Variants in PRKCZ observed in about 807,000 individuals in gnomAD.
PRKCZ encodes the protein protein kinase C zeta type.
PRKCZ carries 33 observed loss-of-function variants against 79.5 expected under a neutral mutation model. The ratio of observed to expected loss-of-function variants is 0.41; its 90% CI spans 0.31 to 0.55. PRKCZ has a LOEUF of 0.55. Among genes scored for constraint, PRKCZ ranks in the 20% least tolerant of loss-of-function variants. The probability of loss-of-function intolerance (pLI) is 0.19; values close to 1 mark genes in which losing one functional copy is unlikely to be tolerated. For missense variants in PRKCZ, 578 were observed against 813.5 expected (o/e 0.71, Z 3.52); for synonymous variants, 342 against 320.9 (o/e 1.07, Z -0.70).
chr1:2,054,346 C>T (rs1338113342), intron 1 of PRKCZ, among the ~76,000 whole-genome samples: 1 of 152,100 alleles, frequency 6.6e-6, no homozygotes, highest in Non-Finnish European at 1.5e-5. Flanking sequence ...CTCTGAGTTT[C>T]AGGAAACACC....
At chr1:2,136,035 C>G (rs1290031002) in intron 5 of PRKCZ, among the ~76,000 whole-genome samples, 1 of 152,054 alleles carries the variant, frequency 6.6e-6, no homozygotes, top group African/African-American at 2.4e-5. Context: ...CTGCGGGACT[C>G]CACACAGAGC....
intron 4 of PRKCZ, among the ~76,000 whole-genome samples, chr1:2,070,943 G>C (rs1661522577): frequency 6.6e-6 from 1 of 152,270 alleles, no homozygotes; most frequent in East Asian, 1.9e-4. Context: ...TCATAGCCCT[G>C]TAGCCTAGGG....
chr1:2,102,494 C>G (rs556804894), intron 4 of PRKCZ, among the ~76,000 whole-genome samples: 21 of 151,382 alleles, frequency 1.4e-4, no homozygotes, highest in African/African-American at 1.9e-4. Flanking sequence ...CACCACGTCC[C>G]GCTAATTTTT....
chr1:2,094,788 C>G lies in PRKCZ; in HGVS notation c.334+35197C>G, dbSNP rs548348983. On this transcript the variant is annotated intron_variant, in intron 4 of 17. Transcript: ENST00000378567. The surrounding 1 kb of genome is among the most constrained non-coding windows in gnomAD (Gnocchi z 7.3). ...TTGGGCGCTGCCCGTTCTGAGGCGT[C>G]TGCTGTGGCCCTTACCGTCTGGCTT... 6.6e-6 allele frequency among the ~76,000 whole-genome samples: 1 copy of G among 152,346 alleles called. No individual in the cohort carries two copies. Among genetic ancestry groups the G allele is most frequent in the South Asian group, 2.1e-4 (1 of 4,834 alleles).
chr1:2,136,191 C>A lies in PRKCZ; in HGVS notation c.420+844C>A, dbSNP rs151298826. On this transcript the variant is annotated intron_variant, in intron 5 of 17. Coordinates refer to ENST00000378567, the MANE Select transcript of PRKCZ (RefSeq NM_002744.6). ...GGCCTCAAGTCACCTGCCCCTCCTT[C>A]TACTCCCATGGTCTGCCCTCTAGAC... Among the ~76,000 whole-genome samples, 303 of 152,334 alleles carry A rather than the reference C, an allele frequency of 2.0e-3. 1 individual carries two copies. Among genetic ancestry groups the A allele is most frequent in the Non-Finnish European group, 3.8e-3 (258 of 68,022 alleles).
At chr1:2,064,888 CATT>C (rs1660991657) in intron 4 of PRKCZ, among the ~76,000 whole-genome samples, 2 of 152,314 alleles carry the variant, frequency 1.3e-5, no homozygotes, top group African/African-American at 4.8e-5. Context: ...CTGCAAAAAA[CATT>C]ATTGTGATTT....
chr1:2,099,828 C>T (rs761392967), intron 4 of PRKCZ, among the ~76,000 whole-genome samples: 58 of 152,174 alleles, frequency 3.8e-4, no homozygotes, highest in Admixed American at 6.5e-4. Context: ...TAGTCCGTGT[C>T]GTGCTAAAGC....
In PRKCZ at chr1:2,055,442, G is replaced by T; in HGVS notation, c.73G>T (p.Asp25Tyr). The T allele has an allele frequency of 6.2e-7, 1 of 1,611,390 alleles. No individual in the cohort carries two copies. Among genetic ancestry groups the T allele is most frequent in the Non-Finnish European group, 8.5e-7 (1 of 1,178,328 alleles). The change falls in exon 2 of 18, where the codon GAC (aspartate) becomes TAC (tyrosine). Residue 25 changes from aspartate to tyrosine, a missense_variant and splice_region_variant. Transcript: ENST00000378567. ...RVRLKAHYGG[D>Y]IFITSVDAAT... ...ATGCCCATGTCCCCTCTGCCCCAGG[G>T]ACATCTTCATCACCAGCGTGGACGC...
At chr1:2,089,159 A>G (rs910254914) in intron 4 of PRKCZ, among the ~76,000 whole-genome samples, 5 of 152,302 alleles carry the variant, frequency 3.3e-5, no homozygotes, top group African/African-American at 9.6e-5. Flanking sequence ...AGCCGGGGTC[A>G]GCTCTGGTTT....
At chr1:2,092,095 C>T (rs539288937) in intron 4 of PRKCZ, among the ~76,000 whole-genome samples, 3 of 152,272 alleles carry the variant, frequency 2.0e-5, no homozygotes, top group African/African-American at 4.8e-5. Flanking sequence ...CAGGAGGGAC[C>T]GGCAGGCATC....
chr1:2,169,640 C>A, intron 11 of PRKCZ, 36 bp downstream of exon 11: 30 of 1,007,284 alleles, frequency 3.0e-5, no homozygotes, highest in Non-Finnish European at 3.6e-5. Context: ...TGGGTGCGCC[C>A]GGAGTTGGGG....
At chr1:2,170,262 A>G (rs1319793578) in intron 11 of PRKCZ, among the ~76,000 whole-genome samples, 2 of 152,098 alleles carry the variant, frequency 1.3e-5, no homozygotes, top group African/African-American at 2.4e-5. Flanking sequence ...GGCCTCCAGC[A>G]TGGTTCAGGA....
At chr1:2,153,083 C>T (rs1254002006) in intron 9 of PRKCZ, among the ~76,000 whole-genome samples, 1 of 152,220 alleles carries the variant, frequency 6.6e-6, no homozygotes, top group Non-Finnish European at 1.5e-5. Context: ...GCAGCCGCGC[C>T]GTTTCACCTC....
chr1:2,167,781 CT>C (rs888171104), intron 10 of PRKCZ, among the ~76,000 whole-genome samples: 1 of 152,064 alleles, frequency 6.6e-6, no homozygotes, highest in Admixed American at 6.5e-5. Flanking sequence ...ATTTTTGTAT[CT>C]TTAGTAGAGA....
chr1:2,151,222 ACTCCACAGCCAAGATGCACAGTGCAG>A (rs1440759595), intron 9 of PRKCZ, among the ~76,000 whole-genome samples: 5 of 152,196 alleles, frequency 3.3e-5, no homozygotes, highest in Admixed American at 1.3e-4. Context: ...AGCACAGCCA[ACTCCACAGCCAAGATGCACAGTGCAG>A]CTCCTGCTCC....
chr1:2,132,528 G>A (rs1675198531), intron 4 of PRKCZ, among the ~76,000 whole-genome samples: 1 of 152,216 alleles, frequency 6.6e-6, no homozygotes, highest in Non-Finnish European at 1.5e-5. Context: ...TGCCGACCCC[G>A]CAGTGTAGGA....
intron 4 of PRKCZ, among the ~76,000 whole-genome samples, chr1:2,066,309 G>C (rs1156315319): frequency 6.6e-6 from 1 of 152,206 alleles, no homozygotes; most frequent in African/African-American, 2.4e-5. Context: ...GAATTTGCCT[G>C]TGAAGACATC....
intron 10 of PRKCZ, among the ~76,000 whole-genome samples, chr1:2,161,447 C>T (rs777335217): frequency 1.3e-5 from 2 of 152,228 alleles, no homozygotes; most frequent in Non-Finnish European, 2.9e-5. Context: ...CATGCATCCT[C>T]CCAGAGCCCT....
chr1:2,052,471 G>GCTCTCCCCT (rs1371070414), intron 1 of PRKCZ, among the ~76,000 whole-genome samples: 1 of 127,956 alleles, frequency 7.8e-6, no homozygotes, highest in Non-Finnish European at 1.6e-5. Context: ...TCCTCTTCCC[G>GCTCTCCCCT]CTCTCCCCTC....
Sources: gnomAD v4.1 joint callset for allele counts (sites outside exome capture counted in the v4.1 genomes callset) on GRCh38, gnomAD v4.1.1 for gene constraint, Gnocchi (gnomAD v3.1) non-coding constraint, MANE v1.5 for transcripts, NCBI Gene and HGNC (gene_info 2026-07-23, HGNC 2026-07-21) for gene names.